ZFAND3: variants seen among roughly 807,000 people sequenced by gnomAD.
ZFAND3 encodes the protein zinc finger AN1-type containing 3.
ZFAND3 carries 10 observed loss-of-function variants against 29.6 expected under a neutral mutation model. That is an observed-to-expected ratio of 0.34 (90% CI 0.21 to 0.57). ZFAND3 has a LOEUF of 0.57. Among genes scored for constraint, ZFAND3 ranks in the 20% least tolerant of loss-of-function variants. ZFAND3 has a pLI of 0.86. For synonymous variants in ZFAND3, 128 were observed against 112.6 expected, an observed-to-expected ratio of 1.14 and a Z score of -0.87; for missense variants, 230 against 304.5, an observed-to-expected ratio of 0.76 and a Z score of 1.82.
intron 2 of ZFAND3, among the ~76,000 whole-genome samples, chr6:37,951,104 T>A (rs1761990024): frequency 6.6e-6 from 1 of 152,228 alleles, no homozygotes; most frequent in Non-Finnish European, 1.5e-5. Context: ...GCTGTATTCC[T>A]AGGTGTTTTA....
rs1801676 is a variant in ZFAND3 at position 38,154,451 on chromosome 6, T to C, written c.*2062T>C. On this transcript the variant is annotated 3_prime_UTR_variant, in exon 6 of 6. Transcript: ENST00000287218. Reference sequence around the variant, plus strand: ...TTGTTAAATGTAAGGAAAGCTTAAATTCTTGTATCTTTAAAAGAGAAAATC... The same window carrying C: ...TTGTTAAATGTAAGGAAAGCTTAAACTCTTGTATCTTTAAAAGAGAAAATC... 1.0e-6 allele frequency: 1 copy of C among 985,784 alleles called. No homozygotes were observed. The highest frequency in any genetic ancestry group is 5.2e-4 in the Middle Eastern group (1 of 1,924). 61.1% of individuals were successfully genotyped at this position (985,784 alleles called of 1,614,324 possible). A position where few individuals can be genotyped will look rare whatever the true frequency, so the allele number is the denominator to read the frequency against.
At chr6:37,951,670 G>C (rs1349784416) in intron 2 of ZFAND3, among the ~76,000 whole-genome samples, 1 of 152,104 alleles carries the variant, frequency 6.6e-6, no homozygotes, top group Non-Finnish European at 1.5e-5. Context: ...CTTCATATTT[G>C]GATGCCTTTT....
intron 1 of ZFAND3, among the ~76,000 whole-genome samples, chr6:37,927,828 A>T (rs1761516412): frequency 6.6e-6 from 1 of 152,244 alleles, no homozygotes; most frequent in Non-Finnish European, 1.5e-5. Context: ...ATATTGGGGC[A>T]GAGGCCGAAG....
intron 2 of ZFAND3, among the ~76,000 whole-genome samples, chr6:38,055,265 G>A (rs1764111744): frequency 6.6e-6 from 1 of 152,196 alleles, no homozygotes; most frequent in South Asian, 2.1e-4. Flanking sequence ...TCTGGTGGGT[G>A]CATGGATTTG....
chr6:38,124,169 C>G lies in ZFAND3; in HGVS notation c.529+7430C>G, dbSNP rs189350811. Among the ~76,000 whole-genome samples the G allele has an allele frequency of 2.7e-3, 409 of 152,340 alleles. 6 individuals carry two copies. The highest frequency in any genetic ancestry group is 9.4e-3 in the African/African-American group (392 of 41,582). On this transcript the variant is annotated intron_variant, in intron 5 of 5. Transcript: ENST00000287218. Reference sequence around the variant, plus strand: ...GATTGGTGTATTTACAAACCTTGAACTAGACACAGAGTGCTGACTGGTGTA... The same window carrying G: ...GATTGGTGTATTTACAAACCTTGAAGTAGACACAGAGTGCTGACTGGTGTA...
intron 2 of ZFAND3, among the ~76,000 whole-genome samples, chr6:37,969,105 A>G (rs559977754): frequency 6.6e-6 from 1 of 152,320 alleles, no homozygotes; most frequent in Admixed American, 6.5e-5. Context: ...TACTACAGGC[A>G]TTTGAAACAC....
intron 2 of ZFAND3, among the ~76,000 whole-genome samples, chr6:38,023,577 T>A (rs1423358774): frequency 6.6e-6 from 1 of 152,194 alleles, no homozygotes; most frequent in Non-Finnish European, 1.5e-5. Flanking sequence ...TAGAATGTCC[T>A]GCCTCTAAGC....
chr6:38,054,495 T>A (rs1416095601), intron 2 of ZFAND3, among the ~76,000 whole-genome samples: 1 of 151,480 alleles, frequency 6.6e-6, no homozygotes, highest in Admixed American at 6.6e-5. Flanking sequence ...TTTTTTAAAT[T>A]AATAAAAATA....
intron 1 of ZFAND3, among the ~76,000 whole-genome samples, chr6:37,896,558 C>CTTTCT (rs1554153856): frequency 2.1e-4 from 29 of 138,326 alleles, no homozygotes; most frequent in Admixed American, 1.5e-3. Flanking sequence ...TTCTTTCTTT[C>CTTTCT]TTTCTTTCTT....
At chr6:37,839,841 T>C (rs1764040502) in intron 1 of ZFAND3, among the ~76,000 whole-genome samples, 1 of 152,164 alleles carries the variant, frequency 6.6e-6, no homozygotes, top group African/African-American at 2.4e-5. Context: ...GTATTCTGGT[T>C]ACTAGTTATT....
intron 2 of ZFAND3, among the ~76,000 whole-genome samples, chr6:38,035,502 C>G (rs1763640682): frequency 6.6e-6 from 1 of 152,096 alleles, no homozygotes; most frequent in African/African-American, 2.4e-5. Context: ...GATTTGTTTT[C>G]TTAGGTACCC....
At chr6:37,960,677 T>C (rs772677827) in intron 2 of ZFAND3, among the ~76,000 whole-genome samples, 17 of 152,218 alleles carry the variant, frequency 1.1e-4, no homozygotes, top group South Asian at 2.1e-4. Flanking sequence ...GTTCATTCAT[T>C]CTAGGTATAG....
At chr6:37,878,462 G>T (rs1185838021) in intron 1 of ZFAND3, among the ~76,000 whole-genome samples, 1 of 152,034 alleles carries the variant, frequency 6.6e-6, no homozygotes, top group Non-Finnish European at 1.5e-5. Flanking sequence ...GCTTGATGTA[G>T]CTCTGAGAGG....
intron 2 of ZFAND3, among the ~76,000 whole-genome samples, chr6:38,043,181 CTCTCA>C (rs982538298): frequency 6.6e-6 from 1 of 151,916 alleles, no homozygotes; most frequent in Admixed American, 6.6e-5. Context: ...TCTGTTGTTT[CTCTCA>C]TCTCGTCTTG....
chr6:37,899,075 A>G (rs990379504), intron 1 of ZFAND3, among the ~76,000 whole-genome samples: 1 of 151,714 alleles, frequency 6.6e-6, no homozygotes, highest in Admixed American at 6.6e-5. Flanking sequence ...TTGTTTTTGT[A>G]TTTTTAGTAG....
intron 1 of ZFAND3, among the ~76,000 whole-genome samples, chr6:37,881,984 A>G (rs1050596682): frequency 9.9e-5 from 15 of 152,134 alleles, no homozygotes; most frequent in Admixed American, 9.2e-4. Flanking sequence ...TGTCATGACA[A>G]TTTTGTTCTT....
At chr6:37,915,955 G>C (rs1581758398) in intron 1 of ZFAND3, among the ~76,000 whole-genome samples, 1 of 151,880 alleles carries the variant, frequency 6.6e-6, no homozygotes, top group East Asian at 1.9e-4. Context: ...TTTTAGTAGA[G>C]ACAGGGTTTC....
intron 2 of ZFAND3, among the ~76,000 whole-genome samples, chr6:38,028,300 T>G (rs1763486282): frequency 6.6e-6 from 1 of 152,224 alleles, no homozygotes; most frequent in South Asian, 2.1e-4. Flanking sequence ...ATTGTTAATT[T>G]TGAGTAGGGT....
chr6:37,963,547 C>CTG (rs1247452760), intron 2 of ZFAND3, among the ~76,000 whole-genome samples: 1 of 151,904 alleles, frequency 6.6e-6, no homozygotes, highest in Admixed American at 6.6e-5. Flanking sequence ...AAACAGTTGG[C>CTG]TGTTTAAAAG....
Sources: gnomAD v4.1 joint callset for allele counts (sites outside exome capture counted in the v4.1 genomes callset) on GRCh38, gnomAD v4.1.1 for gene constraint, MANE v1.5 for transcripts, NCBI Gene and HGNC (gene_info 2026-07-23, HGNC 2026-07-21) for gene names.